The following CACNA1E variants were observed in gnomAD, a reference collection of about 807,000 sequenced individuals.
CACNA1E encodes voltage-dependent R-type calcium channel subunit alpha-1E.
CACNA1E carries 40 observed loss-of-function variants against 259.2 expected under a neutral mutation model. The ratio of observed to expected loss-of-function variants is 0.15; its 90% confidence interval spans 0.12 to 0.20. The LOEUF is 0.20. CACNA1E is among the 10% of genes least tolerant of loss of function. The pLI is 1.00. For missense variants in CACNA1E, 1,874 were observed against 3,040.1 expected, an observed-to-expected ratio of 0.62 and a Z score of 9.02; for synonymous variants, 1,104 against 1,138.5, an observed-to-expected ratio of 0.97 and a Z score of 0.61.
chr1:181,695,234 T>A (rs1651580300), intron 7 of CACNA1E, among the ~76,000 whole-genome samples: 1 of 152,182 alleles, frequency 6.6e-6, no homozygotes. Flanking sequence ...ATTAGTCTTT[T>A]GAAAAATGGA....
At chr1:181,679,167 A>G (rs1024422932) in intron 7 of CACNA1E, among the ~76,000 whole-genome samples, 5 of 152,230 alleles carry the variant, frequency 3.3e-5, no homozygotes, top group African/African-American at 1.2e-4. Flanking sequence ...AAATCTGGAA[A>G]AGAATAGCCG....
chr1:181,682,584 G>C (rs1650086672), intron 7 of CACNA1E, among the ~76,000 whole-genome samples: 1 of 152,196 alleles, frequency 6.6e-6, no homozygotes, highest in Non-Finnish European at 1.5e-5. Flanking sequence ...CCGAGACTGG[G>C]TAGTTTATGT....
intron 1 of CACNA1E, among the ~76,000 whole-genome samples, chr1:181,359,557 C>A (rs1199591013): frequency 6.6e-6 from 1 of 152,042 alleles, no homozygotes; most frequent in Admixed American, 6.5e-5. Flanking sequence ...CCATTGTAAG[C>A]GGGTGGGCTT....
rs1384059904 is a variant in CACNA1E, at chr1:181,706,460, TG to T, written c.1056-4493del. On this transcript the variant is annotated intron_variant, in intron 7 of 47. Transcript: ENST00000367573. ...TATGAAGCTGAATCTTATTTGCTCC[TG>T]TTCTCTCCAGAATGCAATATGTGTA... is the stretch of plus-strand genomic sequence containing the variant. Among the ~76,000 whole-genome samples, 4 of 152,208 alleles carry T rather than the reference TG, an allele frequency of 2.6e-5. No individual in the cohort carries two copies. In the East Asian group the frequency reaches 7.7e-4, roughly 29 times the overall value.
At chr1:181,699,795 T>C (rs1205453946) in intron 7 of CACNA1E, among the ~76,000 whole-genome samples, 1 of 152,000 alleles carries the variant, frequency 6.6e-6, no homozygotes, top group Non-Finnish European at 1.5e-5. Context: ...GGGCTGAGGT[T>C]GGGATGAGAA....
At chr1:181,697,173 AACAC>A (rs1414746411) in intron 7 of CACNA1E, among the ~76,000 whole-genome samples, 1 of 152,230 alleles carries the variant, frequency 6.6e-6, no homozygotes, top group Non-Finnish European at 1.5e-5. Context: ...CAGGGGAGGA[AACAC>A]ACAGGAAGAA....
chr1:181,715,219 G>C (rs910572620), intron 8 of CACNA1E, 119 bp from the exon 9 acceptor site: 3 of 651,992 alleles, frequency 4.6e-6, no homozygotes, highest in Non-Finnish European at 8.3e-6. Context: ...GCCTGTGACA[G>C]GCTCTGAACT....
At chr1:181,749,118 G>T (rs1657364762) in intron 25 of CACNA1E, among the ~76,000 whole-genome samples, 1 of 152,144 alleles carries the variant, frequency 6.6e-6, no homozygotes, top group South Asian at 2.1e-4. Flanking sequence ...ATCATTTGTT[G>T]AGTAAAATAA....
In CACNA1E at chr1:181,711,027, G is replaced by A; in HGVS notation, c.1129G>A (p.Glu377Lys). The A allele has an allele frequency of 6.2e-7, 1 of 1,613,938 alleles. No homozygotes were observed. The highest frequency in any genetic ancestry group is 8.5e-7 in the Non-Finnish European group (1 of 1,179,886). ...GAAGCTGCGGCGCCAGCAGCAGATTGAGCGTGAGCTGAATGGCTACCGTGC... is the reference window on the plus strand; with the variant it reads ...GAAGCTGCGGCGCCAGCAGCAGATTAAGCGTGAGCTGAATGGCTACCGTGC... ...FMKLRRQQQI[E>K]RELNGYRAWI... Residue 377 changes from glutamate to lysine, a missense_variant, in exon 8 of 48, where the codon GAG becomes AAG. Glu to Lys is a moderately conservative substitution (Grantham distance 56). Coordinates refer to ENST00000367573, the MANE Select transcript of CACNA1E (RefSeq NM_001205293.3).
At chr1:181,415,715 A>G (rs1658218658) in intron 2 of CACNA1E, among the ~76,000 whole-genome samples, 1 of 152,114 alleles carries the variant, frequency 6.6e-6, no homozygotes, top group Non-Finnish European at 1.5e-5. Flanking sequence ...GAGTGGGTTG[A>G]AAAGAAAATG....
intron 3 of CACNA1E, among the ~76,000 whole-genome samples, chr1:181,567,831 T>C (rs1375140052): frequency 6.6e-6 from 1 of 152,074 alleles, no homozygotes; most frequent in African/African-American, 2.4e-5. Context: ...TGAAATGCAT[T>C]TAGTTGATTA....
intron 1 of CACNA1E, among the ~76,000 whole-genome samples, chr1:181,388,097 T>C (rs1425180788): frequency 6.6e-6 from 1 of 152,212 alleles, no homozygotes; most frequent in Non-Finnish European, 1.5e-5. Context: ...TAGACATTTG[T>C]TTCTCCCCGG....
At position 181,732,358 on chromosome 1, in the gene CACNA1E, G is replaced by A. The variant is rs1400027686; in HGVS notation, c.2298-26G>A. 1.8e-5 allele frequency: 26 copies of A among 1,481,076 alleles called. No homozygotes were observed. The highest frequency in any genetic ancestry group is 8.4e-5 in the South Asian group (6 of 71,312). 91.7% of individuals were successfully genotyped at this position (1,481,076 alleles called of 1,614,324 possible). ...TGCCTGCAGCTTCTGGGCTCTGACC[G>A]CGGCCCTGCCCTTTCCCCTTGGCAG... is the stretch of plus-strand genomic sequence containing the variant. On this transcript the variant is annotated intron_variant, in intron 19 of 47. Transcript: ENST00000367573. The surrounding 1 kb of genome is among the most constrained non-coding windows in gnomAD (Gnocchi z 5.5).
chr1:181,416,290 G>T (rs894827639), intron 2 of CACNA1E, among the ~76,000 whole-genome samples: 1 of 152,202 alleles, frequency 6.6e-6, no homozygotes, highest in African/African-American at 2.4e-5. Context: ...GTTTTTTCTT[G>T]ATCTCACGTT....
rs747543665 is a variant in CACNA1E at position 181,580,597 on chromosome 1, A to G, written c.772A>G (p.Ile258Val). The G allele has an allele frequency of 8.7e-6, 14 of 1,610,008 alleles. No homozygotes were observed. Among genetic ancestry groups the G allele is most frequent in the African/African-American group, 1.3e-5 (1 of 74,854 alleles). Residue 258 changes from isoleucine (I) to valine (V), a missense_variant and splice_region_variant, in exon 6 of 48, where the codon ATT (isoleucine) becomes GTT (valine). Physicochemically the swap from Ile to Val is conservative, Grantham distance 29. Around this residue, in one of 14 missense-constraint regions of CACNA1E, gnomAD observed 28 missense variants for 64.6 expected, o/e 0.43. Coordinates refer to ENST00000367573, the MANE Select transcript of CACNA1E (RefSeq NM_001205293.3). The stretch of plus-strand genomic sequence containing the variant: ...CTACCCTCCAAATGTGTCTGCAGGT[A>G]TTCTAGAAGGATTTGACCCCCCTCA... ...HRACFMNNSG[I>V]LEGFDPPHPC... is the part of the protein sequence containing the mutation.
At chr1:181,406,221 G>A (rs1022728648) in intron 1 of CACNA1E, among the ~76,000 whole-genome samples, 3 of 152,174 alleles carry the variant, frequency 2.0e-5, no homozygotes, top group African/African-American at 4.8e-5. Context: ...TGATATTGGA[G>A]AGAAATAAGT....
rs150702584 is a variant in CACNA1E, at chr1:181,742,211, C to T, written c.3719+2958C>T. On this transcript the variant is annotated intron_variant, in intron 25 of 47. Transcript: ENST00000367573. The stretch of plus-strand genomic sequence containing the variant: ...TCATTAATCGTACCAGAGAATTCAG[C>T]TCTCCCATCACTTTGATGGGGTTAG... Among the ~76,000 whole-genome samples, 48 of 152,262 alleles carry T rather than the reference C, an allele frequency of 3.2e-4. No homozygotes were observed. In the East Asian group the frequency reaches 8.7e-3, roughly 28 times the overall value.
chr1:181,690,653 G>C (rs1454343711), intron 7 of CACNA1E, among the ~76,000 whole-genome samples: 1 of 152,038 alleles, frequency 6.6e-6, no homozygotes, highest in Non-Finnish European at 1.5e-5. Context: ...TTATTTCCTT[G>C]AGCAGTGGTT....
chr1:181,555,410 A>C (rs891191349), intron 3 of CACNA1E, among the ~76,000 whole-genome samples: 1 of 152,192 alleles, frequency 6.6e-6, no homozygotes, highest in Non-Finnish European at 1.5e-5. Context: ...GGAACAAGAC[A>C]TATCGATCCT....
Sources: allele counts gnomAD v4.1 joint callset (sites outside exome capture counted in the v4.1 genomes callset), GRCh38; gene constraint gnomAD v4.1.1; regional missense constraint gnomAD v4.1.1; non-coding constraint Gnocchi (gnomAD v3.1); transcripts MANE v1.5; gene names NCBI Gene and HGNC (gene_info 2026-07-23, HGNC 2026-07-21).